Variants in COP1 observed in about 807,000 individuals in gnomAD.
COP1 encodes the protein E3 ubiquitin-protein ligase COP1.
COP1 carries 24 observed loss-of-function variants against 101.3 expected under a neutral mutation model. The observed-to-expected ratio is 0.24, with a 90% CI of 0.17 to 0.33. The LOEUF (loss-of-function observed/expected upper bound fraction) is 0.33, where lower values mean the gene tolerates loss of function less well. Among genes scored for constraint, COP1 ranks in the 10% least tolerant of loss-of-function variants. The pLI is 1.00. For synonymous variants in COP1, 347 were observed against 341.9 expected, an observed-to-expected ratio of 1.01 and a Z score of -0.17; for missense variants, 663 against 906.2, an observed-to-expected ratio of 0.73 and a Z score of 3.45.
At position 175,996,161 on chromosome 1, in the gene COP1, A is replaced by C. The variant is rs765818587; in HGVS notation, c.1730-6682T>G. Among the ~76,000 whole-genome samples the C allele has an allele frequency of 4.6e-4, 70 of 152,326 alleles. 1 individual carries two copies. Among genetic ancestry groups the C allele is most frequent in the Non-Finnish European group, 8.2e-4 (56 of 68,026 alleles). ...AAGACAAAATCCACATGGTTACCTC[A>C]ATAGATGCAGAAAAGGCCTTTGACA... On this transcript the variant is annotated intron_variant, in intron 15 of 19. Coordinates refer to ENST00000367669, the MANE Select transcript of COP1 (RefSeq NM_022457.7).
chr1:175,951,120 A>C (rs1238621502), intron 18 of COP1, among the ~76,000 whole-genome samples: 1 of 151,944 alleles, frequency 6.6e-6, no homozygotes, highest in African/African-American at 2.4e-5. Context: ...GTGGTGGCAC[A>C]TGCCTGTAAT....
chr1:176,174,340 C>T (rs1224904922), intron 3 of COP1, among the ~76,000 whole-genome samples: 1 of 152,146 alleles, frequency 6.6e-6, no homozygotes, highest in Non-Finnish European at 1.5e-5. Flanking sequence ...GGATTTTGCC[C>T]TACAGGATGT....
At chr1:175,996,661 G>A (rs1660230579) in intron 15 of COP1, among the ~76,000 whole-genome samples, 1 of 152,120 alleles carries the variant, frequency 6.6e-6, no homozygotes, top group Admixed American at 6.6e-5. Flanking sequence ...GCTTCAAAGA[G>A]AATAAAATAT....
chr1:176,057,743 T>C (rs1258623930), intron 11 of COP1, among the ~76,000 whole-genome samples: 3 of 152,048 alleles, frequency 2.0e-5, no homozygotes, highest in African/African-American at 7.2e-5. Context: ...TTGCAGCCTC[T>C]GCCCGGCTGC....
At chr1:176,162,794 T>G (rs1694533944) in intron 5 of COP1, 75 bp downstream of exon 5, 5 of 1,333,682 alleles carry the variant, frequency 3.7e-6, no homozygotes, top group Non-Finnish European at 5.1e-6. Flanking sequence ...CCTATTATTT[T>G]TAAACTTTCT....
intron 18 of COP1, among the ~76,000 whole-genome samples, chr1:175,970,469 T>C (rs917968098): frequency 7.9e-5 from 12 of 152,160 alleles, no homozygotes; most frequent in African/African-American, 2.9e-4. Context: ...TATTAGATTA[T>C]TGAAAATCTT....
intron 18 of COP1, among the ~76,000 whole-genome samples, chr1:175,964,405 T>A (rs1651751594): frequency 8.9e-6 from 1 of 112,334 alleles, no homozygotes; most frequent in African/African-American, 2.8e-5. Context: ...GAAGGTAAGT[T>A]CCTTGAAAAT....
In COP1 at chr1:176,088,583, G is replaced by A. The variant is rs561923417; in HGVS notation, c.1027-2693C>T. Among the ~76,000 whole-genome samples, 8 of 151,908 alleles carry A rather than the reference G, an allele frequency of 5.3e-5. No homozygotes were observed. In the South Asian group the frequency reaches 1.7e-3, roughly 32 times the overall value. On this transcript the variant is annotated intron_variant, in intron 9 of 19. Transcript: ENST00000367669. ...TGTGTTTTACCTCCATTTCAAAGAA[G>A]GCATAATAAAAAATTATTTTATTAT...
Position 176,043,209 on chromosome 1 carries a change from G to A in COP1, c.1589C>T (p.Ala530Val), listed in dbSNP as rs1387396625. 1.9e-6 allele frequency: 3 copies of A among 1,612,496 alleles called. No individual in the cohort carries two copies. The highest frequency in any genetic ancestry group is 1.7e-5 in the Admixed American group (1 of 59,974). ...DFNLMDPKLL[A>V]SGSDDAKVKL... Reference sequence around the variant, plus strand: ...ACCTTTTGCATCATCAGAACCTGAAGCCAAGAGTTTAGGATCCATCAAATT... The same window carrying A: ...ACCTTTTGCATCATCAGAACCTGAAACCAAGAGTTTAGGATCCATCAAATT... The change falls in exon 14 of 20, where the codon GCT becomes GTT. Residue 530 changes from alanine (A) to valine (V), a missense_variant. Coordinates refer to ENST00000367669, the MANE Select transcript of COP1 (RefSeq NM_022457.7).
At chr1:175,945,405 G>A (rs965699766) in intron 19 of COP1, among the ~76,000 whole-genome samples, 5 of 152,252 alleles carry the variant, frequency 3.3e-5, no homozygotes, top group African/African-American at 1.2e-4. Flanking sequence ...AAGCCTTCAA[G>A]GTAAACTACA....
chr1:175,974,650 CAA>C (rs997992244), intron 18 of COP1, among the ~76,000 whole-genome samples: 1 of 151,974 alleles, frequency 6.6e-6, no homozygotes, highest in Non-Finnish European at 1.5e-5. Context: ...GAGAAAGAAT[CAA>C]AGAGAAATCC....
At chr1:176,172,723 C>T (rs1048972467) in intron 3 of COP1, among the ~76,000 whole-genome samples, 2 of 152,164 alleles carry the variant, frequency 1.3e-5, no homozygotes, top group Admixed American at 6.6e-5. Flanking sequence ...ATGAAAATAA[C>T]TTAGAAAACA....
chr1:176,046,801 T>C (rs545503997), intron 11 of COP1, among the ~76,000 whole-genome samples: 97 of 152,186 alleles, frequency 6.4e-4, no homozygotes, highest in African/African-American at 2.3e-3. Flanking sequence ...ACTGAAGCAA[T>C]TGGGTGATGA....
Position 176,189,305 on chromosome 1 carries a change from C to T in COP1, c.408-4613G>A, listed in dbSNP as rs146406588. Among the ~76,000 whole-genome samples the T allele has an allele frequency of 2.6e-3, 400 of 151,988 alleles. 3 individuals are homozygous for T. Among genetic ancestry groups the T allele is most frequent in the African/African-American group, 9.2e-3 (382 of 41,510 alleles). On this transcript the variant is annotated intron_variant, in intron 1 of 19. Coordinates refer to ENST00000367669, the MANE Select transcript of COP1 (RefSeq NM_022457.7). ...TTATTTCTTTCAGTCCATTTTGAAA[C>T]ATTAGATTATAATTGTCATTTGTTT... is the stretch of plus-strand genomic sequence containing the variant.
chr1:176,072,678 T>C (rs1229593065), intron 11 of COP1, among the ~76,000 whole-genome samples: 1 of 152,206 alleles, frequency 6.6e-6, no homozygotes, highest in Non-Finnish European at 1.5e-5. Flanking sequence ...ACAAGCACTC[T>C]ACAATAAGGA....
intron 11 of COP1, among the ~76,000 whole-genome samples, chr1:176,057,928 G>T (rs1041396966): frequency 6.6e-5 from 10 of 151,282 alleles, no homozygotes; most frequent in African/African-American, 2.4e-4. Context: ...TGAGATGTGG[G>T]GAGCACCTCT....
At chr1:176,164,413 G>A (rs1694784156) in intron 3 of COP1, among the ~76,000 whole-genome samples, 2 of 152,116 alleles carry the variant, frequency 1.3e-5, no homozygotes, top group South Asian at 4.1e-4. Context: ...CTTTCAGAGA[G>A]GTTAGATTCC....
chr1:176,044,221 A>C (rs980309960), intron 12 of COP1, among the ~76,000 whole-genome samples: 11 of 152,326 alleles, frequency 7.2e-5, no homozygotes, highest in African/African-American at 2.4e-4. Context: ...AAATCATATA[A>C]GCCAAATAAA....
intron 6 of COP1, among the ~76,000 whole-genome samples, chr1:176,137,136 CCTT>C (rs1689934162): frequency 6.6e-6 from 1 of 152,160 alleles, no homozygotes; most frequent in African/African-American, 2.4e-5. Context: ...CTTAACACTT[CCTT>C]CTTAAGGGTT....
Sources: allele counts gnomAD v4.1 joint callset (sites outside exome capture counted in the v4.1 genomes callset), GRCh38; gene constraint gnomAD v4.1.1; transcripts MANE v1.5; gene names NCBI Gene and HGNC (gene_info 2026-07-23, HGNC 2026-07-21).